Variants in ADCY3 observed in about 807,000 individuals in gnomAD.
ADCY3 encodes the protein adenylate cyclase 3, also known as adenylate cyclase type 3.
A neutral mutation model predicts 119.4 loss-of-function variants in ADCY3; 70 were observed. The observed-to-expected ratio is 0.59, with a 90% CI of 0.48 to 0.72. The LOEUF is 0.72. Ranked by LOEUF, ADCY3 falls within the 30% of genes least tolerant of loss-of-function variation. The pLI is 0.00. For synonymous variants in ADCY3, 672 were observed against 621.4 expected, an observed-to-expected ratio of 1.08 and a Z score of -1.21; for missense variants, 1,238 against 1,541.6, an observed-to-expected ratio of 0.80 and a Z score of 3.30.
At position 24,834,801 on chromosome 2, in the gene ADCY3, C is replaced by T. The variant is rs564626097; in HGVS notation, c.1798G>A (p.Ala600Thr). ...LNEALLERES[A>T]QVVKKRNTFL... ...CTTCCGGGTGGCGCTTACACTTGGG[C>T]GGACTCTCGCTCAAGCAGGGCCTCG... The change falls in exon 10 of 22, where the codon GCC becomes ACC. Residue 600 changes from alanine to threonine, a missense_variant. Physicochemically the swap from Ala to Thr is moderately conservative, Grantham distance 58. Around this residue, in one of 7 missense-constraint regions of ADCY3, gnomAD observed 499 missense variants for 571.0 expected, o/e 0.87. Transcript: ENST00000679454. The surrounding 1 kb of genome is among the most constrained non-coding windows in gnomAD (Gnocchi z 4.2). The T allele has an allele frequency of 3.0e-5, 48 of 1,613,294 alleles. No homozygotes were observed. The Admixed American group carries it at 3.3e-4, about 11-fold the overall frequency.
In ADCY3 at chr2:24,878,889, G is replaced by A. The variant is rs919073604; in HGVS notation, c.676-6170C>T. ...CCTGCTTTGAGGCCCAGCACAGAAT[G>A]TTCTGCACTTGCCCTTCTCTGTCCT... On this transcript the variant is annotated intron_variant, in intron 2 of 21. Coordinates refer to ENST00000679454, the MANE Select transcript of ADCY3 (RefSeq NM_004036.5). This position sits in a 1 kb window ranked among gnomAD's most constrained non-coding sequence, Gnocchi z 4.0. Among the ~76,000 whole-genome samples, 4 of 152,210 alleles carry A rather than the reference G, an allele frequency of 2.6e-5. No homozygotes were observed. The highest frequency in any genetic ancestry group is 5.9e-5 in the Non-Finnish European group (4 of 68,042).
At chr2:24,820,879 C>T (rs1409411632) in intron 20 of ADCY3, 31 bp from the exon 21 acceptor site, 2 of 1,610,820 alleles carry the variant, frequency 1.2e-6, no homozygotes, top group African/African-American at 2.7e-5. Context: ...TCAGCACAGC[C>T]ACAGGCCACA....
chr2:24,839,927 A>G lies in ADCY3; in HGVS notation c.1301T>C (p.Val434Ala). ...GGCTACAGTGACATCAGTCGACCACACGTCGTACTGCCAGCGCTTCTGGCC... is the reference window on the plus strand; with the variant it reads ...GGCTACAGTGACATCAGTCGACCACGCGTCGTACTGCCAGCGCTTCTGGCC... ...VLGQKRWQYDVWSTDVTVANK... is the reference protein window; with the variant it reads ...VLGQKRWQYDAWSTDVTVANK... The change falls in exon 7 of 22, where the codon GTG becomes GCG. Residue 434 changes from valine to alanine, a missense_variant. Val to Ala is a moderately conservative substitution (Grantham distance 64). This residue lies in a region of ADCY3 where 283 missense variants were observed against 437.2 expected (regional missense o/e 0.65). Coordinates refer to ENST00000679454, the MANE Select transcript of ADCY3 (RefSeq NM_004036.5). The G allele has an allele frequency of 6.2e-7, 1 of 1,613,800 alleles. No individual in the cohort carries two copies. The highest frequency in any genetic ancestry group is 8.5e-7 in the Non-Finnish European group (1 of 1,180,012).
chr2:24,887,248 C>G (rs1437666371), intron 2 of ADCY3, among the ~76,000 whole-genome samples: 1 of 152,160 alleles, frequency 6.6e-6, no homozygotes, highest in Non-Finnish European at 1.5e-5. Context: ...CTCACTATCA[C>G]GAGAACAGCA....
chr2:24,905,158 G>A (rs1321227311), intron 2 of ADCY3, among the ~76,000 whole-genome samples: 2 of 148,320 alleles, frequency 1.3e-5, no homozygotes, highest in African/African-American at 5.0e-5. Context: ...TTTTGAGGCA[G>A]AGTCTTGTTC....
At chr2:24,838,407 G>A in intron 8 of ADCY3, 38 bp downstream of exon 8, 12 of 792,964 alleles carry the variant, frequency 1.5e-5, no homozygotes, top group Non-Finnish European at 2.1e-5. Flanking sequence ...TCCAGGGGTG[G>A]GGTGGGTGGG....
intron 7 of ADCY3, 165 bp from the exon 8 acceptor site, chr2:24,838,787 G>T: frequency 6.3e-7 from 1 of 1,594,870 alleles, no homozygotes; most frequent in Non-Finnish European, 8.6e-7. Flanking sequence ...AACTAGCTGT[G>T]TGGGCCGCTA....
chr2:24,861,844 CT>C (rs917091619), intron 3 of ADCY3, among the ~76,000 whole-genome samples: 1 of 152,354 alleles, frequency 6.6e-6, no homozygotes, highest in Non-Finnish European at 1.5e-5. Flanking sequence ...TCCCCAGGGG[CT>C]GGGGGCCAGC....
chr2:24,834,413 A>G lies in ADCY3; in HGVS notation c.1967+72T>C. 5.8e-5 allele frequency: 50 copies of G among 856,190 alleles called. No homozygotes were observed. Among genetic ancestry groups the G allele is most frequent in the Non-Finnish European group, 8.3e-5 (47 of 564,722 alleles). The allele number at this position is 856,190 out of a possible 1,614,324, so 53.0% of individuals were successfully genotyped here. A position where few individuals can be genotyped will look rare whatever the true frequency, so the allele number is the denominator to read the frequency against. On this transcript the variant is annotated intron_variant, in intron 11 of 21. Coordinates refer to ENST00000679454, the MANE Select transcript of ADCY3 (RefSeq NM_004036.5). The surrounding 1 kb of genome is among the most constrained non-coding windows in gnomAD (Gnocchi z 4.2). ...CCCAATGTCAGGCTCCCGCTGAGAC[A>G]CCTGCCCCCGCCCCCCGCCCGGCAC... is the stretch of plus-strand genomic sequence containing the variant.
intron 2 of ADCY3, among the ~76,000 whole-genome samples, chr2:24,880,349 C>T (rs558620185): frequency 5.5e-4 from 83 of 152,270 alleles, no homozygotes; most frequent in Middle Eastern, 3.4e-3. Context: ...CGGAACATGG[C>T]GGCCTTGGCC....
intron 3 of ADCY3, among the ~76,000 whole-genome samples, chr2:24,850,284 T>C (rs1456141878): frequency 6.6e-6 from 1 of 152,040 alleles, no homozygotes. Flanking sequence ...CTTTCATGAG[T>C]GCGTGATGCT....
intron 3 of ADCY3, among the ~76,000 whole-genome samples, chr2:24,858,920 C>T (rs1257912297): frequency 6.6e-6 from 1 of 152,214 alleles, no homozygotes; most frequent in African/African-American, 2.4e-5. Context: ...ATGGGTTCAT[C>T]ATCTGCATTA....
In ADCY3 at chr2:24,878,573, C is replaced by T. The variant is rs991951131; in HGVS notation, c.676-5854G>A. Among the ~76,000 whole-genome samples the T allele has an allele frequency of 8.6e-5, 13 of 151,880 alleles. No individual in the cohort carries two copies. The highest frequency in any genetic ancestry group is 1.3e-4 in the Admixed American group (2 of 15,258). ...GTTCTGCGGCTGGAGGCCAGCCGCA[C>T]GGGAAACTCGTCATTAAAACTTACT... is the stretch of plus-strand genomic sequence containing the variant. On this transcript the variant is annotated intron_variant, in intron 2 of 21. Transcript: ENST00000679454. This position sits in a 1 kb window ranked among gnomAD's most constrained non-coding sequence, Gnocchi z 4.0.
At position 24,830,737 on chromosome 2, in the gene ADCY3, A is replaced by T; in HGVS notation, c.2144T>A (p.Ile715Asn). The part of the protein sequence containing the change: ...RNTWAMLAIF[I>N]LVMANVVDML... ...GTCCACGACATTTGCCATCACCAGG[A>T]TGAAGATGGCGAGCATGGCCCAGGT... Residue 715 changes from isoleucine to asparagine, a missense_variant, in exon 13 of 22, where the codon ATC (isoleucine) becomes AAC (asparagine). This residue lies in a region of ADCY3 where 499 missense variants were observed against 571.0 expected (regional missense o/e 0.87). Transcript: ENST00000679454. 1 of 1,614,068 alleles carries T rather than the reference A, an allele frequency of 6.2e-7. No individual in the cohort carries two copies. The highest frequency in any genetic ancestry group is 8.5e-7 in the Non-Finnish European group (1 of 1,179,940).
chr2:24,835,971 G>A (rs1216193960), intron 9 of ADCY3, among the ~76,000 whole-genome samples: 1 of 151,604 alleles, frequency 6.6e-6, no homozygotes, highest in Non-Finnish European at 1.5e-5. Flanking sequence ...CTTAAGCACA[G>A]GCACAGGTGT....
At chr2:24,821,188 G>A (rs1272362102) in intron 20 of ADCY3, 2 of 430,684 alleles carry the variant, frequency 4.6e-6, no homozygotes, top group African/African-American at 4.0e-5. Context: ...CTTTCAAAGA[G>A]CAGGCCTGTC....
chr2:24,882,236 A>C (rs1179812548), intron 2 of ADCY3, among the ~76,000 whole-genome samples: 6 of 152,156 alleles, frequency 3.9e-5, no homozygotes, highest in African/African-American at 1.2e-4. Flanking sequence ...AAACCAGAGA[A>C]GGCCATCTGG....
intron 3 of ADCY3, among the ~76,000 whole-genome samples, chr2:24,871,513 C>T (rs757431396): frequency 2.6e-5 from 4 of 152,332 alleles, no homozygotes; most frequent in South Asian, 4.1e-4. Context: ...GTGTGTGCCT[C>T]GGAACAGCAC....
intron 2 of ADCY3, among the ~76,000 whole-genome samples, chr2:24,890,147 A>G (rs1677504356): frequency 6.6e-6 from 1 of 152,122 alleles, no homozygotes; most frequent in African/African-American, 2.4e-5. Flanking sequence ...AAGATGTTAA[A>G]ACCACCCTGC....
Sources: allele counts gnomAD v4.1 joint callset (sites outside exome capture counted in the v4.1 genomes callset), GRCh38; gene constraint gnomAD v4.1.1; regional missense constraint gnomAD v4.1.1; non-coding constraint Gnocchi (gnomAD v3.1); transcripts MANE v1.5; gene names NCBI Gene and HGNC (gene_info 2026-07-23, HGNC 2026-07-21).